The following ADAM18 variants were observed in gnomAD, a reference collection of about 807,000 sequenced individuals.
ADAM18 encodes the protein ADAM metallopeptidase domain 18, also known as disintegrin and metalloproteinase domain-containing protein 18.
Under a neutral mutation model 94.4 loss-of-function variants are expected in ADAM18, and 117 were observed. The observed-to-expected ratio is 1.24, with a 90% CI of 1.07 to 1.45. The LOEUF is 1.45. Ranked by LOEUF, ADAM18 falls within the 40% of genes most tolerant of loss-of-function variation. ADAM18 has a pLI of 0.00. For missense variants in ADAM18, 936 were observed against 880.0 expected, an observed-to-expected ratio of 1.06 and a Z score of -0.81; for synonymous variants, 327 against 291.6, an observed-to-expected ratio of 1.12 and a Z score of -1.24.
chr8:39,661,319 ATTTT>A (rs71518171), intron 12 of ADAM18, among the ~76,000 whole-genome samples: 17 of 112,820 alleles, frequency 1.5e-4, no homozygotes, highest in African/African-American at 6.2e-4. Context: ...CACCCGGCAA[ATTTT>A]TTTTTTTTTT....
intron 6 of ADAM18, among the ~76,000 whole-genome samples, chr8:39,627,248 C>CATGGCAGAAG (rs1184090264): frequency 6.6e-6 from 1 of 152,100 alleles, no homozygotes; most frequent in East Asian, 1.9e-4. Context: ...ACCTCACAAT[C>CATGGCAGAAG]ATGGCAGAAG....
intron 12 of ADAM18, among the ~76,000 whole-genome samples, chr8:39,661,215 C>A (rs1182046952): frequency 3.0e-5 from 4 of 135,138 alleles, no homozygotes; most frequent in Non-Finnish European, 6.1e-5. Flanking sequence ...TGCAGTGGTG[C>A]GATATCGGCT....
At chr8:39,598,780 A>C (rs1195097174) in intron 2 of ADAM18, among the ~76,000 whole-genome samples, 6 of 151,840 alleles carry the variant, frequency 4.0e-5, no homozygotes, top group South Asian at 2.1e-4. Flanking sequence ...AAAAAAAAAA[A>C]AACAACAAAA....
chr8:39,594,061 T>C (rs550016909), intron 2 of ADAM18, among the ~76,000 whole-genome samples: 1 of 152,286 alleles, frequency 6.6e-6, no homozygotes, highest in South Asian at 2.1e-4. Context: ...TTATTTTCTT[T>C]TTCATGCTTA....
At position 39,617,431 on chromosome 8, in the gene ADAM18, T is replaced by C. The variant is rs554365730; in HGVS notation, c.522+6725T>C. Among the ~76,000 whole-genome samples, 3 of 152,276 alleles carry C rather than the reference T, an allele frequency of 2.0e-5. No individual in the cohort carries two copies. In the South Asian group the frequency reaches 6.2e-4, roughly 32 times the overall value. On this transcript the variant is annotated intron_variant, in intron 6 of 19. Coordinates refer to ENST00000265707, the MANE Select transcript of ADAM18 (RefSeq NM_014237.3). ...AGTTCAGGCACTGTGGAAAGCAGATTGGAAATTTCTCAGAGAACATGGAAC... is the reference window on the plus strand; with the variant it reads ...AGTTCAGGCACTGTGGAAAGCAGATCGGAAATTTCTCAGAGAACATGGAAC...
At chr8:39,659,460 TA>T (rs1171301318) in intron 12 of ADAM18, among the ~76,000 whole-genome samples, 1 of 151,880 alleles carries the variant, frequency 6.6e-6, no homozygotes, top group Non-Finnish European at 1.5e-5. Context: ...GAACAGTATA[TA>T]AGCAATAGCA....
At chr8:39,678,450 C>A (rs902261594) in intron 15 of ADAM18, among the ~76,000 whole-genome samples, 4 of 152,148 alleles carry the variant, frequency 2.6e-5, no homozygotes, top group African/African-American at 7.2e-5. Context: ...CTTGCCCCAA[C>A]ACAGGAGGAT....
At chr8:39,656,465 T>C (rs1820687473) in intron 12 of ADAM18, among the ~76,000 whole-genome samples, 1 of 152,114 alleles carries the variant, frequency 6.6e-6, no homozygotes, top group Non-Finnish European at 1.5e-5. Flanking sequence ...GGTTTATATA[T>C]AGAACCTAAT....
At chr8:39,585,722 T>G (rs1818376701) in intron 2 of ADAM18, among the ~76,000 whole-genome samples, 1 of 152,160 alleles carries the variant, frequency 6.6e-6, no homozygotes, top group Admixed American at 6.5e-5. Context: ...AATTTAGACA[T>G]GCAAAATTTG....
chr8:39,671,588 G>A (rs1229579235), intron 14 of ADAM18, among the ~76,000 whole-genome samples: 2 of 152,062 alleles, frequency 1.3e-5, no homozygotes, highest in African/African-American at 4.8e-5. Context: ...GAGAAGAATG[G>A]GACCTACCCT....
At chr8:39,591,397 C>T (rs1487968083) in intron 2 of ADAM18, among the ~76,000 whole-genome samples, 1 of 152,200 alleles carries the variant, frequency 6.6e-6, no homozygotes, top group African/African-American at 2.4e-5. Flanking sequence ...GCTTTATCAA[C>T]TAAGTTTATG....
intron 19 of ADAM18, among the ~76,000 whole-genome samples, chr8:39,728,619 A>G (rs927786095): frequency 1.3e-5 from 2 of 152,236 alleles, no homozygotes; most frequent in Non-Finnish European, 2.9e-5. Flanking sequence ...CACAACGAAA[A>G]GCACATGGTT....
chr8:39,721,888 A>C (rs572405685), intron 18 of ADAM18, among the ~76,000 whole-genome samples: 3 of 151,424 alleles, frequency 2.0e-5, no homozygotes, highest in South Asian at 4.2e-4. Flanking sequence ...TCAATCCAGG[A>C]GTCCTACTAC....
intron 18 of ADAM18, among the ~76,000 whole-genome samples, chr8:39,717,430 A>G (rs1298924986): frequency 1.3e-5 from 2 of 151,770 alleles, no homozygotes; most frequent in African/African-American, 4.8e-5. Context: ...TAGTTTTATA[A>G]TTTTTTATCC....
chr8:39,711,719 A>G (rs1301331061), intron 18 of ADAM18, among the ~76,000 whole-genome samples: 2 of 152,084 alleles, frequency 1.3e-5, no homozygotes, highest in Non-Finnish European at 2.9e-5. Context: ...GAGGACCAGA[A>G]AGCAAAAAGA....
intron 14 of ADAM18, among the ~76,000 whole-genome samples, chr8:39,673,275 A>AT (rs1172832465): frequency 2.0e-5 from 3 of 152,084 alleles, no homozygotes; most frequent in Non-Finnish European, 4.4e-5. Context: ...ATGGCCTCAA[A>AT]TATGTGTGAG....
intron 7 of ADAM18, 35 bp from the exon 8 acceptor site, chr8:39,637,229 T>C (rs1820104276): frequency 6.8e-7 from 1 of 1,462,342 alleles, no homozygotes; most frequent in Non-Finnish European, 9.4e-7. Context: ...GGATTCAAAA[T>C]AATACTTTCA....
At chr8:39,724,047 T>C (rs1395059167) in intron 19 of ADAM18, 140 bp downstream of exon 19, 1 of 635,206 alleles carries the variant, frequency 1.6e-6, no homozygotes, top group Non-Finnish European at 2.3e-6. Flanking sequence ...TTTATAATTT[T>C]GTGTTTCAAT....
chr8:39,587,677 C>A (rs1364727361), intron 2 of ADAM18, among the ~76,000 whole-genome samples: 1 of 152,140 alleles, frequency 6.6e-6, no homozygotes, highest in East Asian at 1.9e-4. Context: ...AACTCCTGAA[C>A]TCAAGTGATA....
Sources: gnomAD v4.1 joint callset for allele counts (sites outside exome capture counted in the v4.1 genomes callset) on GRCh38, gnomAD v4.1.1 for gene constraint, MANE v1.5 for transcripts, NCBI Gene and HGNC (gene_info 2026-07-23, HGNC 2026-07-21) for gene names.